The following SCN11A variants were observed in gnomAD, a reference collection of about 807,000 sequenced individuals.
SCN11A encodes the protein sodium voltage-gated channel alpha subunit 11, also known as sodium channel protein type 11 subunit alpha.
Under a neutral mutation model 162.2 loss-of-function variants are expected in SCN11A, and 122 were observed. The observed-to-expected ratio is 0.75, with a 90% CI of 0.65 to 0.87. The LOEUF (loss-of-function observed/expected upper bound fraction) is 0.87. Ranked by LOEUF, SCN11A falls within the 40% of genes least tolerant of loss-of-function variation. The pLI is 0.00. For missense variants in SCN11A, 2,015 were observed against 2,181.6 expected (o/e 0.92, Z 1.52); for synonymous variants, 758 against 751.5 (o/e 1.01, Z -0.14).
chr3:38,926,954 C>G (rs752362492), intron 7 of SCN11A, 23 bp from the exon 8 acceptor site: 1 of 1,602,808 alleles, frequency 6.2e-7, no homozygotes, highest in Non-Finnish European at 8.5e-7. Flanking sequence ...TCATTTACAA[C>G]AGGAAGAAAC....
intron 2 of SCN11A, among the ~76,000 whole-genome samples, chr3:38,973,633 T>A (rs12633377): frequency 0.13 from 20,435 of 152,126 alleles, 1,630 homozygotes; most frequent in East Asian, 0.24. Flanking sequence ...TTAGAATATT[T>A]AAAAAGCTCT....
intron 2 of SCN11A, among the ~76,000 whole-genome samples, chr3:38,973,143 T>C (rs73828783): frequency 0.022 from 3,403 of 152,304 alleles, 87 homozygotes; most frequent in African/African-American, 0.063. Flanking sequence ...AGATGTAGCA[T>C]AGGTGTAAGT....
chr3:38,855,851 TCCACAGCTGGGAA>T (rs1354236445), intron 28 of SCN11A, among the ~76,000 whole-genome samples: 4 of 152,170 alleles, frequency 2.6e-5, no homozygotes, highest in South Asian at 2.1e-4. Context: ...GGTGCTGGTA[TCCACAGCTGGGAA>T]ACCTGAAAAC....
chr3:38,886,044 G>T, intron 20 of SCN11A, 81 bp downstream of exon 20: 1 of 885,174 alleles, frequency 1.1e-6, no homozygotes. Flanking sequence ...CATTAATTGT[G>T]CCATTTTTCC....
rs750605386 is a variant in SCN11A, at chr3:38,871,428, A to G, written c.3759+17T>C. On this transcript the variant is annotated intron_variant, in intron 25 of 29. Transcript: ENST00000302328. ...GGTTTTTCTCCTCAGAGTGAAAAAC[A>G]TACTGACTGTACTTACCACTTGCAG... The G allele has an allele frequency of 6.4e-7, 1 of 1,565,270 alleles. No individual in the cohort carries two copies. The highest frequency in any genetic ancestry group is 1.2e-5 in the South Asian group (1 of 80,974).
chr3:39,047,318 C>G (rs1485547569), intron 1 of SCN11A, among the ~76,000 whole-genome samples: 1 of 151,754 alleles, frequency 6.6e-6, no homozygotes, highest in Non-Finnish European at 1.5e-5. Flanking sequence ...AAACTGACCC[C>G]CTATATGAAA....
At chr3:38,891,481 C>T (rs924453173) in intron 19 of SCN11A, among the ~76,000 whole-genome samples, 2 of 152,174 alleles carry the variant, frequency 1.3e-5, no homozygotes, top group Non-Finnish European at 2.9e-5. Context: ...TAAGTAATGG[C>T]TGAAGACTCC....
intron 2 of SCN11A, among the ~76,000 whole-genome samples, chr3:39,005,120 A>G (rs1187984805): frequency 2.0e-5 from 3 of 152,212 alleles, no homozygotes; most frequent in East Asian, 1.9e-4. Flanking sequence ...GAGTTTCACA[A>G]TGTTCTTCTA....
intron 2 of SCN11A, among the ~76,000 whole-genome samples, chr3:38,994,463 T>C (rs1337684079): frequency 6.6e-6 from 1 of 152,342 alleles, no homozygotes; most frequent in Non-Finnish European, 1.5e-5. Context: ...CCATTTGTTG[T>C]TGACGTTTAA....
chr3:38,900,161 G>A (rs2065676146), intron 16 of SCN11A, 88 bp from the exon 17 acceptor site: 1 of 967,796 alleles, frequency 1.0e-6, no homozygotes, highest in Non-Finnish European at 1.6e-6. Context: ...AGGTTACAAT[G>A]AAATGAAAAG....
intron 2 of SCN11A, among the ~76,000 whole-genome samples, chr3:39,000,520 C>A (rs1297128650): frequency 6.6e-6 from 1 of 152,154 alleles, no homozygotes; most frequent in African/African-American, 2.4e-5. Flanking sequence ...TCAACTCCCC[C>A]CTCCCCAAAC....
intron 23 of SCN11A, among the ~76,000 whole-genome samples, chr3:38,874,547 T>G (rs1289440649): frequency 6.6e-6 from 1 of 152,190 alleles, no homozygotes; most frequent in Non-Finnish European, 1.5e-5. Context: ...GCCACTGCAC[T>G]CAAGCCTGGA....
Position 38,907,355 on chromosome 3 carries a change from TATACACACACACACAC to T in SCN11A, c.1473+578_1473+593del, listed in dbSNP as rs1351568424. 1.6e-4 allele frequency among the ~76,000 whole-genome samples: 4 copies of T among 24,880 alleles called. No homozygotes were observed. In the East Asian group the frequency reaches 4.6e-3, roughly 29 times the overall value. The allele number at this position is 24,880 out of a possible 152,430, so 16.3% of individuals were successfully genotyped here. On this transcript the variant is annotated intron_variant, in intron 14 of 29. Transcript: ENST00000302328. ...GTGTGTGTGTGTGTATATATCTATA[TATACACACACACACAC>T]ACACACACACACACACACTTTGATG... is the stretch of plus-strand genomic sequence containing the variant.
At chr3:39,005,918 T>C (rs1468130682) in intron 2 of SCN11A, among the ~76,000 whole-genome samples, 3 of 152,218 alleles carry the variant, frequency 2.0e-5, no homozygotes, top group Admixed American at 6.5e-5. Context: ...ACTTTAATAA[T>C]TCCTTCAGAG....
chr3:38,937,626 T>C, intron 7 of SCN11A, among the ~76,000 whole-genome samples: 1 of 151,242 alleles, frequency 6.6e-6, no homozygotes, highest in South Asian at 2.1e-4. Context: ...GAAAAAATGC[T>C]CACCATCACT....
At chr3:39,031,898 CCCA>C (rs769963407) in intron 2 of SCN11A, among the ~76,000 whole-genome samples, 1 of 152,074 alleles carries the variant, frequency 6.6e-6, no homozygotes, top group Admixed American at 6.5e-5. Flanking sequence ...AGTCAGAATT[CCCA>C]CCACATTTGC....
At position 39,031,152 on chromosome 3, in the gene SCN11A, G is replaced by C. The variant is rs2031739608; in HGVS notation, c.-280+1228C>G. Among the ~76,000 whole-genome samples, 4 of 152,180 alleles carry C rather than the reference G, an allele frequency of 2.6e-5. No individual in the cohort carries two copies. The South Asian group carries it at 8.3e-4, about 32-fold the overall frequency. ...CTTCTCAGTGTGTTCAGAAATAAGT[G>C]AACTGTTGAACAATGAACCATTCAG... On this transcript the variant is annotated intron_variant, in intron 2 of 29. Transcript: ENST00000302328.
In SCN11A at chr3:38,974,417, C is replaced by T. The variant is rs1436280330; in HGVS notation, c.-279-13994G>A. ...GAATTAAGAAGGCCTAATTCAAGGC[C>T]GGGCGCAGTGGCTCATGCCTATAAT... On this transcript the variant is annotated intron_variant, in intron 2 of 29. Coordinates refer to ENST00000302328, the MANE Select transcript of SCN11A (RefSeq NM_001349253.2). Among the ~76,000 whole-genome samples the T allele has an allele frequency of 5.3e-5, 8 of 151,850 alleles. No individual in the cohort carries two copies. In the East Asian group the frequency reaches 9.7e-4, roughly 18 times the overall value.
intron 2 of SCN11A, among the ~76,000 whole-genome samples, chr3:39,002,406 T>G (rs2030842939): frequency 6.6e-6 from 1 of 152,196 alleles, no homozygotes; most frequent in Non-Finnish European, 1.5e-5. Context: ...CCATCTTGAA[T>G]GATTTATACA....
Sources: gnomAD v4.1 joint callset for allele counts (sites outside exome capture counted in the v4.1 genomes callset) on GRCh38, gnomAD v4.1.1 for gene constraint, MANE v1.5 for transcripts, NCBI Gene and HGNC (gene_info 2026-07-23, HGNC 2026-07-21) for gene names.